The following OSBPL9 variants were observed in gnomAD, a reference collection of about 807,000 sequenced individuals.
The protein encoded by OSBPL9 is oxysterol binding protein like 9.
Under a neutral mutation model 106.6 loss-of-function variants are expected in OSBPL9, and 40 were observed. The observed-to-expected ratio is 0.38, with a 90% CI of 0.29 to 0.49. OSBPL9 has a LOEUF of 0.49. Ranked by LOEUF, OSBPL9 falls within the 20% of genes least tolerant of loss-of-function variation. The pLI, the probability that OSBPL9 is intolerant of heterozygous loss-of-function variation, is 0.97. For synonymous variants in OSBPL9, 269 were observed against 295.4 expected (o/e 0.91, Z 0.92); for missense variants, 609 against 887.2 (o/e 0.69, Z 3.98).
intron 1 of OSBPL9, among the ~76,000 whole-genome samples, chr1:51,594,432 G>C (rs531265766): frequency 6.6e-6 from 1 of 151,160 alleles, no homozygotes; most frequent in Non-Finnish European, 1.5e-5. Context: ...AAACAGAAAA[G>C]AAAAAAGAAA....
At chr1:51,603,062 G>A (rs1042988059) in intron 2 of OSBPL9, among the ~76,000 whole-genome samples, 3 of 152,100 alleles carry the variant, frequency 2.0e-5, no homozygotes, top group Non-Finnish European at 4.4e-5. Context: ...GGTTGAAGTG[G>A]GAGAATCACT....
At chr1:51,560,356 C>T in the OSBPL9 span, among the ~76,000 whole-genome samples, 17 of 152,134 alleles carry the variant, frequency 1.1e-4, no homozygotes, top group Admixed American at 6.5e-4. Flanking sequence ...TTGGACATGT[C>T]GCTTGGTGTT....
intron 1 of OSBPL9, among the ~76,000 whole-genome samples, chr1:51,619,479 C>T (rs1368491725): frequency 6.6e-6 from 1 of 152,120 alleles, no homozygotes; most frequent in South Asian, 2.1e-4. Context: ...CAATGCTTAT[C>T]CTTCTTTTTG....
At chr1:51,770,964 G>A (rs1673736978) in intron 12 of OSBPL9, among the ~76,000 whole-genome samples, 1 of 152,036 alleles carries the variant, frequency 6.6e-6, no homozygotes, top group Non-Finnish European at 1.5e-5. Flanking sequence ...TGTAGACTTT[G>A]AGTGATAATG....
At chr1:51,625,455 G>A (rs1375200225) in intron 1 of OSBPL9, among the ~76,000 whole-genome samples, 1 of 151,810 alleles carries the variant, frequency 6.6e-6, no homozygotes, top group Non-Finnish European at 1.5e-5. Context: ...GAGAAATACA[G>A]ACAAAGAAAT....
chr1:51,554,150 T>C, the OSBPL9 span, among the ~76,000 whole-genome samples: 3 of 152,188 alleles, frequency 2.0e-5, no homozygotes, highest in Non-Finnish European at 4.4e-5. Flanking sequence ...AGACTCTGTC[T>C]CTTACAGATA....
At chr1:51,546,381 A>G in the OSBPL9 span, among the ~76,000 whole-genome samples, 1 of 152,108 alleles carries the variant, frequency 6.6e-6, no homozygotes, top group African/African-American at 2.4e-5. Context: ...AACAAAGAAG[A>G]TTGTTGAACA....
intron 4 of OSBPL9, among the ~76,000 whole-genome samples, chr1:51,717,833 A>G (rs185655057): frequency 1.3e-5 from 2 of 152,206 alleles, no homozygotes; most frequent in African/African-American, 2.4e-5. Flanking sequence ...TAGAGCTACC[A>G]TATAATCCAG....
intron 1 of OSBPL9, among the ~76,000 whole-genome samples, chr1:51,597,411 A>G (rs571374946): frequency 2.4e-4 from 22 of 90,262 alleles, no homozygotes; most frequent in South Asian, 4.9e-4. Flanking sequence ...ATATGTGTGT[A>G]TATATATATA....
At chr1:51,527,578 G>C in the OSBPL9 span, among the ~76,000 whole-genome samples, 1 of 151,902 alleles carries the variant, frequency 6.6e-6, no homozygotes, top group East Asian at 1.9e-4. Context: ...ATTTTTTATA[G>C]AGACTGGGTC....
At chr1:51,528,961 T>A in the OSBPL9 span, among the ~76,000 whole-genome samples, 1 of 151,992 alleles carries the variant, frequency 6.6e-6, no homozygotes, top group Non-Finnish European at 1.5e-5. Flanking sequence ...AGTACAAGAT[T>A]TGCAAATAAA....
intron 2 of OSBPL9, among the ~76,000 whole-genome samples, chr1:51,601,305 A>G (rs975367606): frequency 6.6e-5 from 10 of 152,356 alleles, no homozygotes; most frequent in Non-Finnish European, 1.3e-4. Context: ...GATCTTTGTA[A>G]TTGATATACT....
At chr1:51,608,335 C>T (rs928471304) in intron 2 of OSBPL9, among the ~76,000 whole-genome samples, 1 of 152,162 alleles carries the variant, frequency 6.6e-6, no homozygotes, top group African/African-American at 2.4e-5. Context: ...CTCTGTCACC[C>T]AGACTAGAGT....
chr1:51,531,603 A>G, the OSBPL9 span, among the ~76,000 whole-genome samples: 1 of 152,238 alleles, frequency 6.6e-6, no homozygotes, highest in Non-Finnish European at 1.5e-5. Context: ...ACTATGGAAG[A>G]AGCCAATTTA....
chr1:51,576,529 TTTTG>T (rs1011276146), upstream of OSBPL9, among the ~76,000 whole-genome samples: 1 of 152,150 alleles, frequency 6.6e-6, no homozygotes, highest in Non-Finnish European at 1.5e-5. Context: ...TTTTGGGTTT[TTTTG>T]TTTGTTTGTT....
chr1:51,685,772 C>T (rs1028522344), intron 3 of OSBPL9, among the ~76,000 whole-genome samples: 32 of 152,314 alleles, frequency 2.1e-4, no homozygotes, highest in African/African-American at 7.5e-4. Flanking sequence ...GGCATTCATT[C>T]TTAGGATCAT....
chr1:51,595,306 A>T (rs760212902), intron 1 of OSBPL9, among the ~76,000 whole-genome samples: 2 of 151,948 alleles, frequency 1.3e-5, no homozygotes, highest in Non-Finnish European at 2.9e-5. Flanking sequence ...AGTCGCTCTC[A>T]CTTGATTCCG....
the OSBPL9 span, among the ~76,000 whole-genome samples, chr1:51,539,598 C>T: frequency 6.6e-6 from 1 of 152,194 alleles, no homozygotes; most frequent in African/African-American, 2.4e-5. Flanking sequence ...GTGCCAGGAA[C>T]TGTTTTACAT....
chr1:51,522,570 G>A, the OSBPL9 span, among the ~76,000 whole-genome samples: 2 of 152,136 alleles, frequency 1.3e-5, no homozygotes, highest in Admixed American at 6.5e-5. Context: ...CCCAGATCTC[G>A]TCAGAGCACT....
Sources: allele counts gnomAD v4.1 joint callset (sites outside exome capture counted in the v4.1 genomes callset), GRCh38; gene constraint gnomAD v4.1.1; transcripts MANE v1.5; gene names NCBI Gene and HGNC (gene_info 2026-07-23, HGNC 2026-07-21).